Variants in EPB41 observed in about 807,000 individuals in gnomAD.
EPB41 encodes protein 4.1.
In EPB41, 65 loss-of-function variants were observed where a neutral mutation model predicts 108.0. That is an observed-to-expected ratio of 0.60 (90% confidence interval 0.49 to 0.74). The LOEUF (loss-of-function observed/expected upper bound fraction) is 0.74. Ranked by LOEUF, EPB41 falls within the 30% of genes least tolerant of loss-of-function variation. EPB41 has a pLI of 0.00. For synonymous variants in EPB41, 336 were observed against 358.9 expected, an observed-to-expected ratio of 0.94 and a Z score of 0.72; for missense variants, 875 against 1,037.0, an observed-to-expected ratio of 0.84 and a Z score of 2.15.
At chr1:28,930,487 GT>G (rs928304280) in intron 1 of EPB41, among the ~76,000 whole-genome samples, 11 of 137,190 alleles carry the variant, frequency 8.0e-5, no homozygotes, top group South Asian at 7.0e-4. Context: ...GTGTGTGTGT[GT>G]TTTTTTTTTA....
At chr1:28,992,807 A>G (rs1236494318) in intron 2 of EPB41, among the ~76,000 whole-genome samples, 1 of 152,218 alleles carries the variant, frequency 6.6e-6, no homozygotes, top group Non-Finnish European at 1.5e-5. Flanking sequence ...CATGATTAAT[A>G]TTGGGTAGAA....
chr1:28,936,045 C>T (rs573741995), intron 1 of EPB41, among the ~76,000 whole-genome samples: 8 of 152,240 alleles, frequency 5.3e-5, no homozygotes, highest in Admixed American at 3.3e-4. Context: ...ATCCTTCTTA[C>T]GCTGTTCTAA....
chr1:28,889,826 G>T (rs925962552), intron 1 of EPB41: 2 of 985,170 alleles, frequency 2.0e-6, no homozygotes, highest in South Asian at 4.7e-5. Context: ...TCTTGAGCAC[G>T]TACTGTGCAC....
At chr1:28,966,143 G>A (rs552243339) in intron 1 of EPB41, among the ~76,000 whole-genome samples, 79 of 151,136 alleles carry the variant, frequency 5.2e-4, no homozygotes, top group Non-Finnish European at 1.0e-3. Flanking sequence ...CTGAGATCGC[G>A]CCTTTGCATT....
intron 4 of EPB41, among the ~76,000 whole-genome samples, chr1:29,002,963 G>A (rs2096328061): frequency 6.6e-6 from 1 of 152,206 alleles, no homozygotes; most frequent in Non-Finnish European, 1.5e-5. Flanking sequence ...AAACTGGTCT[G>A]TTTAGCATCT....
At chr1:28,953,939 G>A (rs578170361) in intron 1 of EPB41, among the ~76,000 whole-genome samples, 3 of 152,316 alleles carry the variant, frequency 2.0e-5, no homozygotes, top group African/African-American at 7.2e-5. Flanking sequence ...GTTCCCAGGT[G>A]ATATCAGTGC....
At chr1:28,909,558 G>T (rs186066884) in intron 1 of EPB41, among the ~76,000 whole-genome samples, 19 of 152,152 alleles carry the variant, frequency 1.2e-4, no homozygotes, top group African/African-American at 4.3e-4. Context: ...CACTCTGTGA[G>T]GCCAAGGTGG....
intron 1 of EPB41, among the ~76,000 whole-genome samples, chr1:28,928,363 A>T (rs1356161820): frequency 2.0e-5 from 3 of 152,184 alleles, no homozygotes; most frequent in South Asian, 4.1e-4. Context: ...TATATCTGAT[A>T]CAGGCCCCAC....
rs559280081 is a variant in EPB41, at chr1:28,900,518, C to T, written c.-8+13308C>T. Among the ~76,000 whole-genome samples the T allele has an allele frequency of 5.3e-5, 8 of 152,086 alleles. No individual in the cohort carries two copies. The South Asian group carries it at 1.7e-3, about 32-fold the overall frequency. Reference sequence around the variant, plus strand: ...GGCCAGGCTGGTCTTGAACTCCTGACCTCAAGTGATCTGCCCCTCTCAGCC... The same window carrying T: ...GGCCAGGCTGGTCTTGAACTCCTGATCTCAAGTGATCTGCCCCTCTCAGCC... On this transcript the variant is annotated intron_variant, in intron 1 of 16. Transcript: ENST00000347529.
In EPB41 at chr1:29,093,986, G is replaced by T. The variant is rs374149370; in HGVS notation, c.2185-3821G>T. ...TCTTCCAGGGTTTTTATTAGTTTTG[G>T]GTTTTACATTTAAGTCTTTAATCTA... On this transcript the variant is annotated intron_variant, in intron 16 of 20. Transcript: ENST00000343067. 3.3e-5 allele frequency among the ~76,000 whole-genome samples: 5 copies of T among 152,194 alleles called. No homozygotes were observed. The East Asian group carries it at 9.6e-4, about 29-fold the overall frequency.
intron 1 of EPB41, among the ~76,000 whole-genome samples, chr1:28,948,574 T>C (rs1187841523): frequency 5.4e-5 from 8 of 148,508 alleles, no homozygotes; most frequent in Non-Finnish European, 1.0e-4. Flanking sequence ...AAGAATGGAG[T>C]GTCCTTTTTA....
In EPB41 at chr1:28,968,096, C is replaced by T. The variant is rs549773251; in HGVS notation, c.-7-19335C>T. ...GTTTTTGGCCAGGCACGGTGGCTCACGCCTGTAATCCCAGCACTTTGGGAG... is the reference window on the plus strand; with the variant it reads ...GTTTTTGGCCAGGCACGGTGGCTCATGCCTGTAATCCCAGCACTTTGGGAG... On this transcript the variant is annotated intron_variant, in intron 1 of 20. Transcript: ENST00000343067. Among the ~76,000 whole-genome samples the T allele has an allele frequency of 3.9e-5, 6 of 152,220 alleles. No individual in the cohort carries two copies. In the East Asian group the frequency reaches 7.7e-4, roughly 20 times the overall value.
Position 28,921,961 on chromosome 1 carries a change from T to TATATAC in EPB41, c.-8+7194_-8+7195insTATACA, listed in dbSNP as rs770764638. Among the ~76,000 whole-genome samples, 17 of 109,920 alleles carry TATATAC rather than the reference T, an allele frequency of 1.5e-4. 1 individual carries two copies. Among genetic ancestry groups the TATATAC allele is most frequent in the South Asian group, 3.8e-4 (1 of 2,610 alleles). 72.1% of individuals were successfully genotyped at this position (109,920 alleles called of 152,430 possible). On this transcript the variant is annotated intron_variant, in intron 1 of 20. Transcript: ENST00000343067. The stretch of plus-strand genomic sequence containing the variant: ...TTTTATATATATATATATATATATA[T>TATATAC]ACACTTTTTTTTTGTTTTTTTTTTT...
intron 1 of EPB41, among the ~76,000 whole-genome samples, chr1:28,986,885 A>G (rs2095879450): frequency 6.6e-6 from 1 of 152,252 alleles, no homozygotes; most frequent in East Asian, 1.9e-4. Context: ...GCTGTTATCC[A>G]GTCTTACAAC....
intron 1 of EPB41, among the ~76,000 whole-genome samples, chr1:28,909,485 TAATAA>T (rs2092102275): frequency 6.6e-6 from 1 of 151,044 alleles, no homozygotes. Flanking sequence ...AATAAATAAA[TAATAA>T]AATAAATAAA....
chr1:29,108,619 G>A (rs1193487907), intron 17 of EPB41, among the ~76,000 whole-genome samples: 6 of 151,292 alleles, frequency 4.0e-5, no homozygotes, highest in South Asian at 2.1e-4. Flanking sequence ...GTACAGTGGC[G>A]GGATCTTGGC....
intron 3 of EPB41, 28 bp from the exon 4 acceptor site, chr1:28,997,187 C>T (rs747411155): frequency 2.6e-6 from 4 of 1,515,120 alleles, no homozygotes; most frequent in Non-Finnish European, 3.7e-6. Context: ...GAAACCTCAA[C>T]TCAACTAAGT....
chr1:29,010,035 T>C (rs1450421025), intron 4 of EPB41, among the ~76,000 whole-genome samples: 1 of 152,136 alleles, frequency 6.6e-6, no homozygotes, highest in East Asian at 1.9e-4. Flanking sequence ...ACCTTACTCC[T>C]TTTTTCTAAA....
chr1:28,944,322 T>C (rs1277707162), intron 1 of EPB41, among the ~76,000 whole-genome samples: 1 of 152,150 alleles, frequency 6.6e-6, no homozygotes, highest in Non-Finnish European at 1.5e-5. Context: ...ATAGGGTGAC[T>C]ATAGTCAATT....
Sources: gnomAD v4.1 joint callset for allele counts (sites outside exome capture counted in the v4.1 genomes callset) on GRCh38, gnomAD v4.1.1 for gene constraint, MANE v1.5 for transcripts, NCBI Gene and HGNC (gene_info 2026-07-23, HGNC 2026-07-21) for gene names.